Variants in PLA2G4A observed in about 807,000 individuals in gnomAD.
PLA2G4A encodes the protein cytosolic phospholipase A2.
In PLA2G4A, 40 loss-of-function variants were observed where a neutral mutation model predicts 81.9. The ratio of observed to expected loss-of-function variants is 0.49; its 90% CI spans 0.38 to 0.64. The LOEUF (loss-of-function observed/expected upper bound fraction) is 0.64, where lower values mean the gene tolerates loss of function less well. Ranked by LOEUF, PLA2G4A falls within the 30% of genes least tolerant of loss-of-function variation. The pLI is 0.00. For synonymous variants in PLA2G4A, 302 were observed against 296.9 expected (o/e 1.02, Z -0.18); for missense variants, 715 against 905.1 (o/e 0.79, Z 2.69).
intron 8 of PLA2G4A, among the ~76,000 whole-genome samples, chr1:186,936,689 C>T (rs6666834): frequency 0.31 from 46,388 of 151,738 alleles, 9,621 homozygotes; most frequent in African/African-American, 0.58. Context: ...TTTTAAAACA[C>T]TGACCATTTG....
At chr1:186,860,243 T>G (rs1266445614) in intron 2 of PLA2G4A, among the ~76,000 whole-genome samples, 1 of 152,158 alleles carries the variant, frequency 6.6e-6, no homozygotes, top group Admixed American at 6.6e-5. Context: ...AATTAATTGA[T>G]AATTGATTAA....
chr1:186,871,301 C>T (rs568604334), intron 3 of PLA2G4A, among the ~76,000 whole-genome samples: 17 of 152,142 alleles, frequency 1.1e-4, no homozygotes, highest in Admixed American at 1.0e-3. Context: ...CATTGGAATT[C>T]GTGCAAGTGG....
At chr1:186,918,857 C>A (rs1655241721) in intron 7 of PLA2G4A, among the ~76,000 whole-genome samples, 1 of 152,246 alleles carries the variant, frequency 6.6e-6, no homozygotes, top group African/African-American at 2.4e-5. Flanking sequence ...AAAGTTACCA[C>A]AGCATGGGGG....
intron 13 of PLA2G4A, among the ~76,000 whole-genome samples, chr1:186,951,795 C>T (rs372123245): frequency 2.0e-5 from 3 of 152,032 alleles, no homozygotes; most frequent in Non-Finnish European, 2.9e-5. Flanking sequence ...TGTTGTCTTG[C>T]GAACATTAAA....
intron 8 of PLA2G4A, among the ~76,000 whole-genome samples, chr1:186,936,782 A>T (rs139966776): frequency 1.6e-3 from 238 of 152,096 alleles, no homozygotes; most frequent in African/African-American, 5.6e-3. Flanking sequence ...TAAAATGCAT[A>T]TAGATAAAAA....
chr1:186,909,432 G>A (rs956609563), intron 6 of PLA2G4A, among the ~76,000 whole-genome samples: 1 of 151,204 alleles, frequency 6.6e-6, no homozygotes, highest in Non-Finnish European at 1.5e-5. Flanking sequence ...AGGCTGAAGT[G>A]GGTTGATTAC....
intron 15 of PLA2G4A, among the ~76,000 whole-genome samples, chr1:186,970,029 C>A (rs1657283070): frequency 6.6e-6 from 1 of 151,968 alleles, no homozygotes; most frequent in African/African-American, 2.4e-5. Flanking sequence ...TTCCAAGCAA[C>A]CATGTAGGAG....
intron 7 of PLA2G4A, among the ~76,000 whole-genome samples, chr1:186,931,641 A>G (rs766232109): frequency 1.3e-5 from 2 of 151,840 alleles, no homozygotes; most frequent in Non-Finnish European, 2.9e-5. Context: ...GCTTCCTTAC[A>G]ACTACTATAT....
chr1:186,856,654 T>A (rs907398523), intron 2 of PLA2G4A, among the ~76,000 whole-genome samples: 3 of 151,904 alleles, frequency 2.0e-5, no homozygotes, highest in East Asian at 1.9e-4. Context: ...TATGAAAAAA[T>A]TATTTATAAT....
chr1:186,893,218 G>A (rs1310265252), intron 4 of PLA2G4A, 59 bp downstream of exon 4: 2 of 1,441,248 alleles, frequency 1.4e-6, no homozygotes, highest in Non-Finnish European at 2.0e-6. Flanking sequence ...AGACATGCTT[G>A]AGTTTGTCCT....
intron 5 of PLA2G4A, among the ~76,000 whole-genome samples, chr1:186,902,913 A>G (rs957816642): frequency 2.0e-4 from 30 of 151,922 alleles, no homozygotes; most frequent in Non-Finnish European, 3.7e-4. Context: ...AAAGAAAAAG[A>G]AAAATGATTT....
At chr1:186,888,961 A>C (rs1347456818) in intron 3 of PLA2G4A, among the ~76,000 whole-genome samples, 1 of 152,198 alleles carries the variant, frequency 6.6e-6, no homozygotes, top group African/African-American at 2.4e-5. Flanking sequence ...CCTTAAAATT[A>C]CATATTTTTC....
At chr1:186,900,727 A>C (rs1279867505) in intron 5 of PLA2G4A, among the ~76,000 whole-genome samples, 1 of 152,246 alleles carries the variant, frequency 6.6e-6, no homozygotes, top group African/African-American at 2.4e-5. Context: ...GCTTAGAAGC[A>C]ACACAGATAA....
chr1:186,859,563 T>C (rs1652720914), intron 2 of PLA2G4A, among the ~76,000 whole-genome samples: 1 of 152,152 alleles, frequency 6.6e-6, no homozygotes. Flanking sequence ...GAAACTAAGG[T>C]TGTCTTCACA....
chr1:186,950,985 T>A (rs753344960), intron 13 of PLA2G4A, among the ~76,000 whole-genome samples: 16 of 152,216 alleles, frequency 1.1e-4, no homozygotes, highest in Admixed American at 2.0e-4. Flanking sequence ...TCCAAGATGG[T>A]AGAAATGCTG....
At chr1:186,857,160 A>ATT (rs1307699127) in intron 2 of PLA2G4A, among the ~76,000 whole-genome samples, 1 of 41,296 alleles carries the variant, frequency 2.4e-5, no homozygotes, top group Non-Finnish European at 3.7e-5. Flanking sequence ...ATTACATAAT[A>ATT]TAATATAATT....
rs747945751 is a variant in PLA2G4A, at chr1:186,956,163, T to C, written c.1398T>C (p.His466=). The change falls in exon 14 of 18, where the codon CAT becomes CAC. Residue 466 remains histidine (H), a synonymous_variant. Coordinates refer to ENST00000367466, the MANE Select transcript of PLA2G4A (RefSeq NM_024420.3). ...YQSDNQASWI[H]RMIMALVSDS... ...GTGATAATCAAGCAAGTTGGATTCA[T>C]CGTATGATAATGGCCTTGGTGAGTG... The C allele has an allele frequency of 1.2e-6, 2 of 1,613,266 alleles. No homozygotes were observed. The highest frequency in any genetic ancestry group is 1.3e-5 in the African/African-American group (1 of 74,922).
chr1:186,872,562 G>A (rs1653317631), intron 3 of PLA2G4A, among the ~76,000 whole-genome samples: 1 of 151,718 alleles, frequency 6.6e-6, no homozygotes, highest in Non-Finnish European at 1.5e-5. Flanking sequence ...TAGAGACAAC[G>A]GCTGTTATTG....
chr1:186,899,336 A>G (rs763892125), intron 5 of PLA2G4A, among the ~76,000 whole-genome samples: 4 of 152,084 alleles, frequency 2.6e-5, no homozygotes, highest in Admixed American at 6.6e-5. Context: ...CCGGGAGGAG[A>G]TAAGGTCAGA....
Sources: gnomAD v4.1 joint callset for allele counts (sites outside exome capture counted in the v4.1 genomes callset) on GRCh38, gnomAD v4.1.1 for gene constraint, MANE v1.5 for transcripts, NCBI Gene and HGNC (gene_info 2026-07-23, HGNC 2026-07-21) for gene names.